Variants in IL1RAP observed in about 807,000 individuals in gnomAD.
IL1RAP encodes the protein interleukin-1 receptor accessory protein.
A neutral mutation model predicts 60.7 loss-of-function variants in IL1RAP; 35 were observed. The observed-to-expected ratio is 0.58, with a 90% CI of 0.44 to 0.76. The LOEUF (loss-of-function observed/expected upper bound fraction) is 0.76. IL1RAP is among the 30% of genes least tolerant of loss of function. The pLI is 0.00. For missense variants in IL1RAP, 572 were observed against 693.9 expected, an observed-to-expected ratio of 0.82 and a Z score of 1.97; for synonymous variants, 268 against 250.9, an observed-to-expected ratio of 1.07 and a Z score of -0.64.
downstream of IL1RAP, chr3:190,656,186 G>A (rs1734613810): frequency 2.6e-6 from 4 of 1,537,174 alleles, no homozygotes; most frequent in Admixed American, 2.0e-5. Context: ...CCCCTGAGAA[G>A]TCTGAGTGCC....
chr3:190,614,065 C>G (rs1048669873), intron 5 of IL1RAP, among the ~76,000 whole-genome samples: 7 of 151,744 alleles, frequency 4.6e-5, no homozygotes, highest in African/African-American at 1.7e-4. Flanking sequence ...TTACAATCAT[C>G]CCCAAGCATC....
chr3:190,567,332 C>G (rs1163952890), intron 3 of IL1RAP, among the ~76,000 whole-genome samples: 3 of 152,138 alleles, frequency 2.0e-5, no homozygotes, highest in African/African-American at 7.2e-5. Context: ...AATAGCGATT[C>G]TATAATTATA....
chr3:190,653,567 A>G (rs924442767), downstream of IL1RAP, among the ~76,000 whole-genome samples: 3 of 130,398 alleles, frequency 2.3e-5, no homozygotes, highest in South Asian at 2.2e-4. Flanking sequence ...CCAGAGGAGA[A>G]AAAAAAAAAT....
chr3:190,632,414 G>C (rs956952418), intron 9 of IL1RAP, among the ~76,000 whole-genome samples: 1 of 152,104 alleles, frequency 6.6e-6, no homozygotes, highest in Admixed American at 6.5e-5. Flanking sequence ...TGAAGTATCT[G>C]TTAAAATGTT....
At chr3:190,584,048 G>A (rs964623972) in intron 3 of IL1RAP, among the ~76,000 whole-genome samples, 3 of 152,000 alleles carry the variant, frequency 2.0e-5, no homozygotes, top group African/African-American at 7.3e-5. Context: ...CCACTGTGCC[G>A]TCCCCCCACA....
chr3:190,584,724 G>T (rs551875407), intron 3 of IL1RAP, among the ~76,000 whole-genome samples: 1 of 152,102 alleles, frequency 6.6e-6, no homozygotes, highest in Non-Finnish European at 1.5e-5. Context: ...ACTTTTGAGA[G>T]TTCTCTATAT....
intron 6 of IL1RAP, among the ~76,000 whole-genome samples, chr3:190,622,230 C>T (rs976693077): frequency 1.3e-5 from 2 of 152,158 alleles, no homozygotes; most frequent in Admixed American, 6.5e-5. Context: ...CTAAGCAATC[C>T]GACCTTAAGC....
intron 3 of IL1RAP, among the ~76,000 whole-genome samples, chr3:190,590,879 A>G (rs1728882765): frequency 6.6e-6 from 1 of 152,204 alleles, no homozygotes; most frequent in South Asian, 2.1e-4. Flanking sequence ...TATATATTTC[A>G]CTGGGACAAT....
intron 9 of IL1RAP, among the ~76,000 whole-genome samples, chr3:190,639,569 A>C (rs141249000): frequency 8.5e-4 from 129 of 152,318 alleles, no homozygotes; most frequent in Non-Finnish European, 1.4e-3. Context: ...TGTTTATCTG[A>C]TAATTCCACC....
intron 1 of IL1RAP, among the ~76,000 whole-genome samples, chr3:190,530,301 T>G (rs1018656609): frequency 1.3e-5 from 2 of 152,128 alleles, no homozygotes; most frequent in African/African-American, 4.8e-5. Context: ...GGAGACACAA[T>G]GAATATTCTC....
intron 11 of IL1RAP, among the ~76,000 whole-genome samples, chr3:190,647,173 TGCTTGCACATGCTCAGCCTCCA>T (rs1290739733): frequency 4.6e-5 from 7 of 152,226 alleles, no homozygotes; most frequent in Non-Finnish European, 1.5e-5. Flanking sequence ...TCTCTTGCCA[TGCTTGCACATGCTCAGCCTCCA>T]GTGCCACTGC....
At chr3:190,544,344 A>G (rs943039219) in intron 1 of IL1RAP, among the ~76,000 whole-genome samples, 3 of 152,192 alleles carry the variant, frequency 2.0e-5, no homozygotes, top group African/African-American at 7.2e-5. Context: ...CCAATTAGCT[A>G]CACTGGTGGA....
At position 190,649,755 on chromosome 3, in the gene IL1RAP, A is replaced by G; in HGVS notation, c.*1050A>G. ...TTAATATTCTAAGAGAATTAACTGT[A>G]TTTCCTGTCACCTATTCACTAGTGC... On this transcript the variant is annotated 3_prime_UTR_variant, in exon 12 of 12. Coordinates refer to ENST00000447382, the MANE Select transcript of IL1RAP (RefSeq NM_002182.4). The G allele has an allele frequency of 1.0e-6, 1 of 985,652 alleles. No individual in the cohort carries two copies. The highest frequency in any genetic ancestry group is 1.7e-5 in the African/African-American group (1 of 57,354). 61.1% of individuals were successfully genotyped at this position (985,652 alleles called of 1,614,324 possible).
chr3:190,596,076 G>A (rs1427123948), intron 3 of IL1RAP, among the ~76,000 whole-genome samples: 3 of 152,198 alleles, frequency 2.0e-5, no homozygotes, highest in African/African-American at 7.2e-5. Context: ...TGGCAACTAA[G>A]TGGCACATGG....
intron 1 of IL1RAP, among the ~76,000 whole-genome samples, chr3:190,533,939 G>A (rs1007487220): frequency 1.3e-5 from 2 of 151,896 alleles, no homozygotes; most frequent in Non-Finnish European, 2.9e-5. Context: ...AGGAGGTCAG[G>A]AGTGAAAAAC....
intron 2 of IL1RAP, among the ~76,000 whole-genome samples, chr3:190,562,778 G>T (rs994891218): frequency 2.0e-5 from 3 of 150,838 alleles, no homozygotes; most frequent in African/African-American, 7.3e-5. Context: ...AAAAAATTTG[G>T]AAAAGAAGGA....
At chr3:190,636,055 A>T (rs561072423) in intron 9 of IL1RAP, among the ~76,000 whole-genome samples, 3 of 152,270 alleles carry the variant, frequency 2.0e-5, no homozygotes, top group South Asian at 4.1e-4. Context: ...TTTAATTCTG[A>T]TGTGTCCAAA....
intron 6 of IL1RAP, among the ~76,000 whole-genome samples, chr3:190,622,358 C>T (rs1327830501): frequency 2.6e-5 from 4 of 152,150 alleles, no homozygotes; most frequent in Non-Finnish European, 2.9e-5. Context: ...TAATTCTCAC[C>T]TTTTCTGAGG....
intron 5 of IL1RAP, among the ~76,000 whole-genome samples, chr3:190,617,218 G>A (rs1731356418): frequency 6.6e-6 from 1 of 152,168 alleles, no homozygotes; most frequent in Non-Finnish European, 1.5e-5. Context: ...ATTAGACCAT[G>A]AATAACTATA....
Sources: gnomAD v4.1 joint callset for allele counts (sites outside exome capture counted in the v4.1 genomes callset) on GRCh38, gnomAD v4.1.1 for gene constraint, MANE v1.5 for transcripts, NCBI Gene and HGNC (gene_info 2026-07-23, HGNC 2026-07-21) for gene names.